CCNB2: variants seen among roughly 807,000 people sequenced by gnomAD.
The protein encoded by CCNB2 is G2/mitotic-specific cyclin-B2.
Under a neutral mutation model 51.1 loss-of-function variants are expected in CCNB2, and 39 were observed. The ratio of observed to expected loss-of-function variants is 0.76; its 90% CI spans 0.59 to 1.00. The LOEUF (loss-of-function observed/expected upper bound fraction) is 1.00, where lower values mean the gene tolerates loss of function less well. CCNB2 is among the 50% of genes least tolerant of loss of function. CCNB2 has a pLI of 0.00. For synonymous variants in CCNB2, 174 were observed against 165.5 expected, an observed-to-expected ratio of 1.05 and a Z score of -0.40; for missense variants, 472 against 470.3, an observed-to-expected ratio of 1.00 and a Z score of -0.03.
chr15:59,113,081 A>G (rs1204794985), intron 3 of CCNB2, among the ~76,000 whole-genome samples: 1 of 152,172 alleles, frequency 6.6e-6, no homozygotes, highest in African/African-American at 2.4e-5. Context: ...TCTTTCATTA[A>G]TAAATACTTG....
In CCNB2 at chr15:59,116,673, C is replaced by T. The variant is rs768108919; in HGVS notation, c.598-17C>T. The T allele has an allele frequency of 1.1e-4, 167 of 1,566,338 alleles. No homozygotes were observed. The highest frequency in any genetic ancestry group is 1.4e-4 in the Non-Finnish European group (161 of 1,140,020). On this transcript the variant is annotated splice_polypyrimidine_tract_variant and intron_variant, in intron 5 of 8. Transcript: ENST00000288207. ...TTCTTGTTAGGTGTGACTTTTGTTA[C>T]ATTAATTTTCCATTAGGTTCAGCCA...
chr15:59,111,276 C>G (rs921102905), intron 3 of CCNB2, among the ~76,000 whole-genome samples: 3 of 152,200 alleles, frequency 2.0e-5, no homozygotes, highest in Non-Finnish European at 2.9e-5. Context: ...ACAAGCAATC[C>G]TCCCACCTTG....
intron 7 of CCNB2, among the ~76,000 whole-genome samples, chr15:59,119,390 G>T (rs1465493988): frequency 6.9e-6 from 1 of 145,912 alleles, no homozygotes; most frequent in East Asian, 2.2e-4. Context: ...GAGCCCAGGA[G>T]TTCAAGGCTG....
Position 59,105,306 on chromosome 15 carries a change from G to A in CCNB2, c.24+14G>A. 1 of 1,557,948 alleles carries A rather than the reference G, an allele frequency of 6.4e-7. No homozygotes were observed. The highest frequency in any genetic ancestry group is 8.7e-7 in the Non-Finnish European group (1 of 1,155,174). On this transcript the variant is annotated intron_variant, in intron 1 of 8. Transcript: ENST00000288207. ...CGACGCCCGACGGTGAGTGTGCCCG[G>A]GGACCGCTCTCAGAGGCGAGTCCGT...
chr15:59,123,686 T>C, intron 8 of CCNB2, 59 bp downstream of exon 8: 2 of 691,938 alleles, frequency 2.9e-6, no homozygotes, highest in Non-Finnish European at 4.8e-6. Context: ...TTTGTGTGTA[T>C]GTTGGGCGGG....
intron 3 of CCNB2, among the ~76,000 whole-genome samples, chr15:59,108,946 G>C (rs1251485721): frequency 6.6e-6 from 1 of 152,196 alleles, no homozygotes; most frequent in Non-Finnish European, 1.5e-5. Flanking sequence ...AAACCCAAAG[G>C]CTGGTTTTCA....
intron 8 of CCNB2, chr15:59,124,449 T>G (rs2079316658): frequency 2.8e-6 from 1 of 355,980 alleles, no homozygotes; most frequent in Admixed American, 4.6e-5. Context: ...TGTTATGTCC[T>G]GATGGCACTT....
intron 7 of CCNB2, among the ~76,000 whole-genome samples, chr15:59,119,468 A>AAAC (rs2079293083): frequency 6.6e-6 from 1 of 150,996 alleles, no homozygotes; most frequent in Non-Finnish European, 1.5e-5. Flanking sequence ...TCCAAAAAAA[A>AAAC]AAAAAAAAAC....
chr15:59,112,302 C>T (rs192579486), intron 3 of CCNB2, among the ~76,000 whole-genome samples: 2 of 151,668 alleles, frequency 1.3e-5, no homozygotes, highest in East Asian at 1.9e-4. Context: ...GATGCATCCT[C>T]GAAGACTGGA....
intron 7 of CCNB2, among the ~76,000 whole-genome samples, chr15:59,118,160 T>G (rs985106519): frequency 6.6e-6 from 1 of 152,182 alleles, no homozygotes; most frequent in African/African-American, 2.4e-5. Context: ...CCAGTAAGAA[T>G]AGAATGAGCC....
At chr15:59,108,022 G>A (rs751177173) in intron 3 of CCNB2, among the ~76,000 whole-genome samples, 1 of 151,882 alleles carries the variant, frequency 6.6e-6, no homozygotes, top group East Asian at 1.9e-4. Context: ...TAAATATTAC[G>A]ACCCTGAATA....
intron 7 of CCNB2, among the ~76,000 whole-genome samples, chr15:59,120,819 G>A (rs2079299022): frequency 1.3e-5 from 2 of 152,154 alleles, no homozygotes; most frequent in Admixed American, 1.3e-4. Flanking sequence ...TAACAAAACT[G>A]CACATCTATG....
At chr15:59,107,771 C>G in intron 3 of CCNB2, 101 bp downstream of exon 3, 1 of 810,864 alleles carries the variant, frequency 1.2e-6, no homozygotes, top group Non-Finnish European at 2.0e-6. Context: ...AACGAACATT[C>G]ATAGCTGGAG....
chr15:59,115,389 G>A (rs576982235), intron 5 of CCNB2, among the ~76,000 whole-genome samples: 1 of 152,186 alleles, frequency 6.6e-6, no homozygotes, highest in East Asian at 1.9e-4. Context: ...TGTGTGGAGT[G>A]GACTGAGAAT....
chr15:59,117,079 A>C, intron 6 of CCNB2, 149 bp from the exon 7 acceptor site: 1 of 979,684 alleles, frequency 1.0e-6, no homozygotes, highest in Non-Finnish European at 1.5e-6. Flanking sequence ...AGGCCTCATG[A>C]TCTATGTTTA....
intron 7 of CCNB2, 84 bp from the exon 8 acceptor site, chr15:59,123,433 A>G: frequency 1.3e-6 from 1 of 747,950 alleles, no homozygotes; most frequent in Admixed American, 2.2e-5. Context: ...TAATGTCATC[A>G]TGTACAAGAT....
At position 59,107,690 on chromosome 15, in the gene CCNB2, C is replaced by T. The variant is rs777620010; in HGVS notation, c.267+20C>T. 5.6e-6 allele frequency: 9 copies of T among 1,594,166 alleles called. No individual in the cohort carries two copies. The highest frequency in any genetic ancestry group is 1.7e-4 in the Middle Eastern group (1 of 6,034). On this transcript the variant is annotated intron_variant, in intron 3 of 8. Coordinates refer to ENST00000288207, the MANE Select transcript of CCNB2 (RefSeq NM_004701.4). ...CCAAAGGTAGGAAGTTCTGAATTTA[C>T]AAACGTATTTAATGAGGTAGCCTGT... is the stretch of plus-strand genomic sequence containing the variant.
At position 59,114,438 on chromosome 15, in the gene CCNB2, G is replaced by A. The variant is rs1397983665; in HGVS notation, c.268-6G>A. On this transcript the variant is annotated splice_polypyrimidine_tract_variant and splice_region_variant and intron_variant, in intron 3 of 8. Coordinates refer to ENST00000288207, the MANE Select transcript of CCNB2 (RefSeq NM_004701.4). ...CTCCTACATGTGCCTAAATTTGTTG[G>A]TGTAGGGTCCTTCTCCCACACCTGA... 2.5e-6 allele frequency: 4 copies of A among 1,587,202 alleles called. No individual in the cohort carries two copies. The highest frequency in any genetic ancestry group is 1.7e-4 in the Middle Eastern group (1 of 5,918).
intron 1 of CCNB2, among the ~76,000 whole-genome samples, chr15:59,106,659 T>C (rs145331496): frequency 6.6e-6 from 1 of 152,342 alleles, no homozygotes; most frequent in African/African-American, 2.4e-5. Context: ...AATTCCAACC[T>C]TCCCTGAGTT....
Sources: gnomAD v4.1 joint callset for allele counts (sites outside exome capture counted in the v4.1 genomes callset) on GRCh38, gnomAD v4.1.1 for gene constraint, MANE v1.5 for transcripts, NCBI Gene and HGNC (gene_info 2026-07-23, HGNC 2026-07-21) for gene names.